PDZRN4: variants seen among roughly 807,000 people sequenced by gnomAD.
PDZRN4 encodes the protein PDZ domain-containing RING finger protein 4.
In PDZRN4, 70 loss-of-function variants were observed where a neutral mutation model predicts 99.0. That is an observed-to-expected ratio of 0.71 (90% confidence interval 0.58 to 0.86). PDZRN4 has a LOEUF of 0.86. Ranked by LOEUF, PDZRN4 falls within the 40% of genes least tolerant of loss-of-function variation. The probability of loss-of-function intolerance (pLI) is 0.00; values close to 1 mark genes in which losing one functional copy is unlikely to be tolerated. For synonymous variants in PDZRN4, 551 were observed against 501.6 expected, an observed-to-expected ratio of 1.10 and a Z score of -1.32; for missense variants, 1,474 against 1,331.2, an observed-to-expected ratio of 1.11 and a Z score of -1.67.
chr12:41,379,760 G>T (rs1411394163), intron 3 of PDZRN4, among the ~76,000 whole-genome samples: 1 of 151,666 alleles, frequency 6.6e-6, no homozygotes, highest in Non-Finnish European at 1.5e-5. Flanking sequence ...GATGTTTTGG[G>T]ATCTAACATA....
At chr12:41,254,481 A>T (rs980762792) in intron 3 of PDZRN4, among the ~76,000 whole-genome samples, 2 of 152,214 alleles carry the variant, frequency 1.3e-5, no homozygotes, top group Non-Finnish European at 2.9e-5. Context: ...AGTTTCTTAT[A>T]TAATTATGCG....
At chr12:41,263,466 C>T (rs1951256816) in intron 3 of PDZRN4, among the ~76,000 whole-genome samples, 1 of 152,118 alleles carries the variant, frequency 6.6e-6, no homozygotes, top group Non-Finnish European at 1.5e-5. Context: ...GCGGGAGGAT[C>T]ACTTGAGGTC....
intron 3 of PDZRN4, among the ~76,000 whole-genome samples, chr12:41,338,276 A>G (rs890961547): frequency 4.6e-5 from 7 of 152,124 alleles, no homozygotes; most frequent in Admixed American, 2.6e-4. Context: ...TAATTAATTC[A>G]TTCATTCATA....
chr12:41,348,996 T>C (rs10785244), intron 3 of PDZRN4, among the ~76,000 whole-genome samples: 57,064 of 151,798 alleles, frequency 0.38, 10,805 homozygotes, highest in Non-Finnish European at 0.39. Flanking sequence ...CATGATTTTC[T>C]CTTTGGTAAC....
At chr12:41,257,436 C>G (rs531706939) in intron 3 of PDZRN4, among the ~76,000 whole-genome samples, 55 of 152,180 alleles carry the variant, frequency 3.6e-4, no homozygotes, top group African/African-American at 1.2e-3. Flanking sequence ...CTAATACCAT[C>G]GACTTAGTGA....
intron 5 of PDZRN4, among the ~76,000 whole-genome samples, chr12:41,525,032 A>G (rs956319084): frequency 6.6e-6 from 1 of 152,184 alleles, no homozygotes; most frequent in Non-Finnish European, 1.5e-5. Flanking sequence ...GCTATTTCCT[A>G]AAAGGAGGAA....
intron 3 of PDZRN4, among the ~76,000 whole-genome samples, chr12:41,334,700 G>A (rs1242141436): frequency 6.6e-6 from 1 of 152,110 alleles, no homozygotes; most frequent in East Asian, 1.9e-4. Context: ...AGACTAACTG[G>A]GGCTGGATTT....
At chr12:41,482,045 A>G (rs561277068) in intron 3 of PDZRN4, among the ~76,000 whole-genome samples, 2 of 152,174 alleles carry the variant, frequency 1.3e-5, no homozygotes, top group Admixed American at 6.6e-5. Flanking sequence ...CTTCAAATTC[A>G]TTTTGATCAT....
chr12:41,338,435 A>G (rs1951790950), intron 3 of PDZRN4, among the ~76,000 whole-genome samples: 1 of 152,052 alleles, frequency 6.6e-6, no homozygotes. Flanking sequence ...TTCCATTTTG[A>G]ATAGTATTCA....
intron 3 of PDZRN4, among the ~76,000 whole-genome samples, chr12:41,197,827 G>A (rs921928381): frequency 3.9e-5 from 6 of 152,042 alleles, no homozygotes; most frequent in Admixed American, 2.0e-4. Flanking sequence ...ATGTGGGAGG[G>A]AGTTGAGAAA....
intron 3 of PDZRN4, among the ~76,000 whole-genome samples, chr12:41,493,900 A>T (rs930948159): frequency 1.1e-5 from 1 of 89,410 alleles, no homozygotes; most frequent in African/African-American, 4.3e-5. Context: ...TAAAAAAATA[A>T]TGGGGGGGGG....
intron 1 of PDZRN4, among the ~76,000 whole-genome samples, chr12:41,190,283 T>C (rs1367601): frequency 0.7 from 106,159 of 152,128 alleles, 37,282 homozygotes; most frequent in South Asian, 0.76. Context: ...TGGAAGCACG[T>C]TGTGTATTAA....
At chr12:41,370,717 T>A (rs1205558418) in intron 3 of PDZRN4, among the ~76,000 whole-genome samples, 1 of 152,018 alleles carries the variant, frequency 6.6e-6, no homozygotes, top group Non-Finnish European at 1.5e-5. Context: ...ACCATGCATA[T>A]CTTGGTCTTC....
intron 3 of PDZRN4, among the ~76,000 whole-genome samples, chr12:41,343,973 A>G (rs1252850959): frequency 6.6e-6 from 1 of 152,132 alleles, no homozygotes; most frequent in East Asian, 1.9e-4. Flanking sequence ...TAATTTTATC[A>G]TAAAATGTAA....
chr12:41,563,601 C>A lies in PDZRN4; in HGVS notation c.1419C>A (p.Asn473Lys). 4 of 1,613,542 alleles carry A rather than the reference C, an allele frequency of 2.5e-6. No homozygotes were observed. The highest frequency in any genetic ancestry group is 3.4e-6 in the Non-Finnish European group (4 of 1,179,616). The change falls in exon 8 of 10, where the codon AAC (asparagine) becomes AAA (lysine). Residue 473 changes from asparagine to lysine, a missense_variant. By Grantham distance (94) the Asn-to-Lys change is moderately conservative (BLOSUM62 0). Coordinates refer to ENST00000402685, the MANE Select transcript of PDZRN4 (RefSeq NM_001164595.2). ...AAGAAGCAGTGGCCTTGCTGTCTAA[C>A]GATGAGTGTAAGAGAATCGTGCTGC... ...NREEAVALLS[N>K]DECKRIVLLV...
At chr12:41,357,271 AT>A (rs561418195) in intron 3 of PDZRN4, among the ~76,000 whole-genome samples, 34 of 151,980 alleles carry the variant, frequency 2.2e-4, no homozygotes, top group Non-Finnish European at 3.1e-4. Flanking sequence ...TAGAACACTT[AT>A]TCTGTGCCCT....
intron 3 of PDZRN4, among the ~76,000 whole-genome samples, chr12:41,415,283 T>C (rs896010496): frequency 2.6e-5 from 4 of 151,064 alleles, no homozygotes; most frequent in Non-Finnish European, 5.9e-5. Context: ...AATTGAAATA[T>C]ATTTAGGAGG....
rs549149782 is a variant in PDZRN4, at chr12:41,514,044, G to A, written c.1203+4131G>A. The stretch of plus-strand genomic sequence containing the variant: ...GGCAAAGAAACATATACAAAAGGCT[G>A]AAATAAGTACCCTTTATGCGTCCAA... On this transcript the variant is annotated intron_variant, in intron 5 of 9. Transcript: ENST00000402685. Among the ~76,000 whole-genome samples the A allele has an allele frequency of 7.2e-5, 11 of 152,146 alleles. 1 individual carries two copies. In the East Asian group the frequency reaches 2.1e-3, roughly 30 times the overall value.
At chr12:41,266,049 C>T (rs1591990573) in intron 3 of PDZRN4, among the ~76,000 whole-genome samples, 1 of 11,626 alleles carries the variant, frequency 8.6e-5, no homozygotes, top group Admixed American at 1.3e-3. Context: ...CGGTGGCTCA[C>T]GCCTGTAATC....
Sources: allele counts gnomAD v4.1 joint callset (sites outside exome capture counted in the v4.1 genomes callset), GRCh38; gene constraint gnomAD v4.1.1; transcripts MANE v1.5; gene names NCBI Gene and HGNC (gene_info 2026-07-23, HGNC 2026-07-21).